The following VWA3B variants were observed in gnomAD, a reference collection of about 807,000 sequenced individuals.
VWA3B encodes the protein von Willebrand factor A domain-containing protein 3B.
Under a neutral mutation model 158.3 loss-of-function variants are expected in VWA3B, and 138 were observed. The ratio of observed to expected loss-of-function variants is 0.87; its 90% CI spans 0.76 to 1.00. The LOEUF (loss-of-function observed/expected upper bound fraction) is 1.00, where lower values mean the gene tolerates loss of function less well. Ranked by LOEUF, VWA3B falls within the 50% of genes least tolerant of loss-of-function variation. VWA3B has a pLI of 0.00. For synonymous variants in VWA3B, 596 were observed against 587.3 expected, an observed-to-expected ratio of 1.01 and a Z score of -0.21; for missense variants, 1,555 against 1,565.1, an observed-to-expected ratio of 0.99 and a Z score of 0.11.
chr2:98,270,746 C>T lies in VWA3B; in HGVS notation c.2908C>T (p.Arg970Trp), dbSNP rs200856226. ...AACAGTTTTAAACCAGGCTTTAGAA[C>T]GGTTGAATTGGCCCATTTCACTGAA... ...NKTVLNQALE[R>W]LNWPISLKEL... is the part of the protein sequence containing the mutation. Residue 970 changes from arginine to tryptophan, a missense_variant, in exon 22 of 28, where the codon CGG becomes TGG. By Grantham distance (101) the Arg-to-Trp change is moderately radical. Coordinates refer to ENST00000477737, the MANE Select transcript of VWA3B (RefSeq NM_144992.5). 1.9e-5 allele frequency: 31 copies of T among 1,614,052 alleles called. No homozygotes were observed. In the African/African-American group the frequency reaches 2.1e-4, roughly 11 times the overall value.
rs539857701 is a variant in VWA3B at position 98,262,534 on chromosome 2, C to T, written c.2843+6360C>T. On this transcript the variant is annotated intron_variant, in intron 21 of 27. Transcript: ENST00000477737. ...ACTTCTTGGAGAGACTGTCGTTTTT[C>T]CTTTGTGTAGTCTTGGCACCCTTGT... Among the ~76,000 whole-genome samples, 978 of 151,318 alleles carry T rather than the reference C, an allele frequency of 6.5e-3. 17 individuals are homozygous for T. Among genetic ancestry groups the T allele is most frequent in the African/African-American group, 0.023 (934 of 41,334 alleles).
At position 98,270,687 on chromosome 2, in the gene VWA3B, A is replaced by T. The variant is rs767872126; in HGVS notation, c.2849A>T (p.Asp950Val). Residue 950 changes from aspartate to valine, a missense_variant, in exon 22 of 28, where the codon GAT becomes GTT. Asp to Val is a radical substitution (Grantham distance 152). Coordinates refer to ENST00000477737, the MANE Select transcript of VWA3B (RefSeq NM_144992.5). ...TTTGTTTCTTTGTTTTTTAGGTTAG[A>T]TGCAAACAAACCAATACAGTACTTG... ...ALSQEEKEKLDANKPIQYLEN... is the reference protein window; with the variant it reads ...ALSQEEKEKLVANKPIQYLEN... 1 of 1,613,220 alleles carries T rather than the reference A, an allele frequency of 6.2e-7. No homozygotes were observed. Among genetic ancestry groups the T allele is most frequent in the South Asian group, 1.1e-5 (1 of 90,820 alleles).
chr2:98,316,634 G>T (rs1691093273), downstream of VWA3B, among the ~76,000 whole-genome samples: 1 of 138,156 alleles, frequency 7.2e-6, no homozygotes, highest in African/African-American at 2.7e-5. Context: ...GCAACAAAGT[G>T]AAACTCTGTC....
intron 21 of VWA3B, among the ~76,000 whole-genome samples, chr2:98,265,290 G>A (rs991315673): frequency 1.1e-4 from 16 of 150,914 alleles, no homozygotes; most frequent in South Asian, 4.2e-4. Context: ...GAGAATATGC[G>A]GTGTTTGGTT....
chr2:98,272,664 A>G (rs2105893300), intron 22 of VWA3B, among the ~76,000 whole-genome samples: 1 of 152,318 alleles, frequency 6.6e-6, no homozygotes, highest in Admixed American at 6.5e-5. Flanking sequence ...CACACAAAGA[A>G]CAGTACTTCA....
intron 6 of VWA3B, among the ~76,000 whole-genome samples, chr2:98,132,380 A>C (rs929497330): frequency 1.3e-5 from 2 of 152,148 alleles, no homozygotes; most frequent in Non-Finnish European, 2.9e-5. Flanking sequence ...TCCAGCTGCA[A>C]GTGGCATGTC....
rs545540478 is a variant in VWA3B at position 98,231,247 on chromosome 2, A to G, written c.2308+1040A>G. ...TTAATGAAATTCCTAATAGAATCCCAAAAATGTTTTTATAAACATATACAA... is the reference window on the plus strand; with the variant it reads ...TTAATGAAATTCCTAATAGAATCCCGAAAATGTTTTTATAAACATATACAA... On this transcript the variant is annotated intron_variant, in intron 16 of 27. Transcript: ENST00000477737. Among the ~76,000 whole-genome samples the G allele has an allele frequency of 2.0e-5, 3 of 152,344 alleles. No homozygotes were observed. In the South Asian group the frequency reaches 6.2e-4, roughly 32 times the overall value.
chr2:98,214,937 C>G (rs1683848699), intron 13 of VWA3B, among the ~76,000 whole-genome samples: 1 of 152,084 alleles, frequency 6.6e-6, no homozygotes, highest in Non-Finnish European at 1.5e-5. Flanking sequence ...ATAGCAGCCC[C>G]CAAAGAGGAT....
rs1390461844 is a variant in VWA3B at position 98,256,193 on chromosome 2, T to A, written c.2843+19T>A. On this transcript the variant is annotated intron_variant, in intron 21 of 27. Coordinates refer to ENST00000477737, the MANE Select transcript of VWA3B (RefSeq NM_144992.5). The stretch of plus-strand genomic sequence containing the variant: ...AAGAAAAGTAAGCCATTCCATTCCC[T>A]CCTCACTTTTTTTTTTTGGTGAAAT... The A allele has an allele frequency of 2.6e-6, 4 of 1,528,766 alleles. No homozygotes were observed. The highest frequency in any genetic ancestry group is 1.2e-5 in the South Asian group (1 of 85,514). The allele number at this position is 1,528,766 out of a possible 1,614,324, so 94.7% of individuals were successfully genotyped here. A position where few individuals can be genotyped will look rare whatever the true frequency, so the allele number is the denominator to read the frequency against.
chr2:98,167,646 G>C (rs1402723925), intron 8 of VWA3B, among the ~76,000 whole-genome samples: 2 of 152,218 alleles, frequency 1.3e-5, no homozygotes, highest in Non-Finnish European at 2.9e-5. Context: ...CAGATGCACA[G>C]AGAGAGAAGT....
At chr2:98,325,943 C>A in the VWA3B span, among the ~76,000 whole-genome samples, 1 of 152,152 alleles carries the variant, frequency 6.6e-6, no homozygotes. Flanking sequence ...TGGCCATAAA[C>A]CAAGTTCCAA....
intron 4 of VWA3B, among the ~76,000 whole-genome samples, chr2:98,120,897 G>A (rs1457972645): frequency 1.3e-5 from 2 of 152,174 alleles, no homozygotes; most frequent in Non-Finnish European, 2.9e-5. Flanking sequence ...TAAAATTTTA[G>A]AGCAATAGAA....
chr2:98,270,464 C>T (rs947083281), intron 21 of VWA3B, among the ~76,000 whole-genome samples: 5 of 152,214 alleles, frequency 3.3e-5, no homozygotes, highest in Admixed American at 1.3e-4. Context: ...CCATAATTCA[C>T]AGAGATGGTT....
chr2:98,214,743 T>C (rs1332581287), intron 13 of VWA3B, among the ~76,000 whole-genome samples: 1 of 152,208 alleles, frequency 6.6e-6, no homozygotes, highest in African/African-American at 2.4e-5. Context: ...GGCTATCCCA[T>C]CACTTATTTA....
At chr2:98,211,751 A>G (rs1412390476) in intron 12 of VWA3B, among the ~76,000 whole-genome samples, 179 bp from the exon 13 acceptor site, 1 of 152,252 alleles carries the variant, frequency 6.6e-6, no homozygotes, top group Non-Finnish European at 1.5e-5. Flanking sequence ...AGAGACTTTT[A>G]GGCATACCCT....
chr2:98,229,828 T>C (rs1055077571), intron 15 of VWA3B, among the ~76,000 whole-genome samples: 5 of 152,152 alleles, frequency 3.3e-5, no homozygotes, highest in African/African-American at 1.2e-4. Context: ...ACCAGACCTG[T>C]GAAGTGAGCT....
intron 23 of VWA3B, among the ~76,000 whole-genome samples, chr2:98,295,914 C>T (rs1306693983): frequency 2.0e-5 from 3 of 152,130 alleles, no homozygotes; most frequent in Non-Finnish European, 4.4e-5. Flanking sequence ...TGGGGGCCCT[C>T]GAGGCCAGGT....
chr2:98,308,663 C>G (rs999898667), intron 26 of VWA3B, among the ~76,000 whole-genome samples: 2 of 152,222 alleles, frequency 1.3e-5, no homozygotes, highest in African/African-American at 4.8e-5. Context: ...CCTGGTGGGT[C>G]TGATGCTCCA....
intron 22 of VWA3B, among the ~76,000 whole-genome samples, chr2:98,273,494 TGTCG>T (rs1190647820): frequency 6.6e-6 from 1 of 152,220 alleles, no homozygotes. Context: ...GACATTTCTC[TGTCG>T]ATTTACCTTC....
Sources: gnomAD v4.1 joint callset for allele counts (sites outside exome capture counted in the v4.1 genomes callset) on GRCh38, gnomAD v4.1.1 for gene constraint, MANE v1.5 for transcripts, NCBI Gene and HGNC (gene_info 2026-07-23, HGNC 2026-07-21) for gene names.